SLC26A7: variants seen among roughly 807,000 people sequenced by gnomAD.
The protein encoded by SLC26A7 is anion exchange transporter.
A neutral mutation model predicts 82.5 loss-of-function variants in SLC26A7; 59 were observed. That is an observed-to-expected ratio of 0.72 (90% confidence interval 0.58 to 0.89). SLC26A7 has a LOEUF of 0.89. SLC26A7 is among the 40% of genes least tolerant of loss of function. The probability of loss-of-function intolerance (pLI) is 0.00; values close to 1 mark genes in which losing one functional copy is unlikely to be tolerated. For missense variants in SLC26A7, 820 were observed against 793.0 expected, an observed-to-expected ratio of 1.03 and a Z score of -0.41; for synonymous variants, 271 against 274.3, an observed-to-expected ratio of 0.99 and a Z score of 0.12.
intron 16 of SLC26A7, among the ~76,000 whole-genome samples, chr8:91,393,483 A>C (rs771849392): frequency 1.3e-5 from 2 of 152,144 alleles, no homozygotes; most frequent in Non-Finnish European, 2.9e-5. Context: ...CTTGTCTTCT[A>C]TTAAAAGAGG....
intron 2 of SLC26A7, among the ~76,000 whole-genome samples, chr8:91,231,043 T>C (rs148191272): frequency 6.6e-6 from 1 of 152,162 alleles, no homozygotes; most frequent in South Asian, 2.1e-4. Context: ...TTCCATCTTA[T>C]CTGGGTTTTA....
At chr8:91,344,082 G>T in intron 9 of SLC26A7, 1 of 985,342 alleles carries the variant, frequency 1.0e-6, no homozygotes, top group African/African-American at 1.7e-5. Context: ...TGATGATGGT[G>T]GTAGTGGTGG....
intron 16 of SLC26A7, 117 bp downstream of exon 16, chr8:91,389,555 T>A: frequency 6.6e-6 from 5 of 757,224 alleles, no homozygotes; most frequent in Non-Finnish European, 1.1e-5. Flanking sequence ...TCTCACCCCA[T>A]TATTTACAAA....
chr8:91,295,163 G>A (rs922387007), intron 3 of SLC26A7, among the ~76,000 whole-genome samples: 18 of 152,196 alleles, frequency 1.2e-4, no homozygotes, highest in Non-Finnish European at 2.1e-4. Context: ...TATATCCAGT[G>A]TAATGTGCTT....
chr8:91,288,186 C>A (rs1168190949), intron 2 of SLC26A7, among the ~76,000 whole-genome samples: 3 of 152,134 alleles, frequency 2.0e-5, no homozygotes, highest in Non-Finnish European at 4.4e-5. Context: ...GACAGCCAGG[C>A]TTTATAGTGT....
chr8:91,354,922 A>G (rs1490139935), intron 11 of SLC26A7, among the ~76,000 whole-genome samples: 3 of 151,858 alleles, frequency 2.0e-5, no homozygotes, highest in Non-Finnish European at 4.4e-5. Flanking sequence ...TAAAAAAAGG[A>G]TTCTCATACT....
intron 2 of SLC26A7, among the ~76,000 whole-genome samples, chr8:91,255,953 C>A (rs1397908277): frequency 6.6e-6 from 1 of 152,072 alleles, no homozygotes; most frequent in African/African-American, 2.4e-5. Context: ...ATGAACCATC[C>A]CTGCTCTTTT....
chr8:91,264,170 T>C (rs1315901917), intron 2 of SLC26A7, among the ~76,000 whole-genome samples: 2 of 152,186 alleles, frequency 1.3e-5, no homozygotes, highest in East Asian at 1.9e-4. Context: ...AAATAACATA[T>C]AGGAATCCAC....
intron 2 of SLC26A7, among the ~76,000 whole-genome samples, chr8:91,235,596 T>C (rs1810383762): frequency 6.6e-6 from 1 of 152,138 alleles, no homozygotes. Flanking sequence ...CACAGAAATA[T>C]TTGGTAATTG....
At chr8:91,382,520 AC>A (rs1461006061) in intron 15 of SLC26A7, among the ~76,000 whole-genome samples, 7 of 152,142 alleles carry the variant, frequency 4.6e-5, no homozygotes, top group Admixed American at 2.6e-4. Context: ...GAAGGTACAC[AC>A]TTCTTTTCAA....
At chr8:91,245,416 C>G (rs1810531771), upstream of SLC26A7, among the ~76,000 whole-genome samples, 1 of 152,122 alleles carries the variant, frequency 6.6e-6, no homozygotes, top group Admixed American at 6.6e-5. Flanking sequence ...CTTTGGTAGA[C>G]TTGATACAAA....
In SLC26A7 at chr8:91,318,365, A is replaced by C; in HGVS notation, c.627A>C (p.Pro209=). Residue 209 remains proline (P), a synonymous_variant, in exon 5 of 19, where the codon CCA becomes CCC. Transcript: ENST00000276609. The part of the protein sequence containing the change: ...LGMKMPYISG[P]LGFFYIYAYV... ...TGAAAATGCCATATATATCCGGACC[A>C]CTTGGATTCTTTTATGTGAGTTTTT... The C allele has an allele frequency of 6.2e-7, 1 of 1,604,348 alleles. No homozygotes were observed. Among genetic ancestry groups the C allele is most frequent in the East Asian group, 2.3e-5 (1 of 44,254 alleles).
intron 2 of SLC26A7, among the ~76,000 whole-genome samples, chr8:91,220,074 C>T (rs1377625989): frequency 6.6e-6 from 1 of 152,118 alleles, no homozygotes; most frequent in Non-Finnish European, 1.5e-5. Flanking sequence ...AGAGTTGCCT[C>T]TGGCATAACT....
chr8:91,358,702 C>T (rs1218749485), intron 11 of SLC26A7, among the ~76,000 whole-genome samples: 3 of 152,114 alleles, frequency 2.0e-5, no homozygotes, highest in Non-Finnish European at 4.4e-5. Context: ...CCAACATAGA[C>T]TGGATTAAGA....
upstream of SLC26A7, among the ~76,000 whole-genome samples, chr8:91,247,432 T>C (rs1469617031): frequency 1.3e-5 from 2 of 152,142 alleles, no homozygotes; most frequent in African/African-American, 4.8e-5. Context: ...TTTTTCTTTC[T>C]TTCTGGCATT....
intron 2 of SLC26A7, among the ~76,000 whole-genome samples, chr8:91,230,050 A>G (rs1464253731): frequency 1.3e-5 from 2 of 152,324 alleles, no homozygotes; most frequent in Admixed American, 6.5e-5. Context: ...AAAAGGAATC[A>G]TACAATATGT....
At chr8:91,280,825 T>G (rs1178788856) in intron 2 of SLC26A7, among the ~76,000 whole-genome samples, 1 of 152,228 alleles carries the variant, frequency 6.6e-6, no homozygotes, top group Non-Finnish European at 1.5e-5. Context: ...AAGTGTTCTG[T>G]GCTCAAGCCT....
chr8:91,377,656 C>T lies in SLC26A7; in HGVS notation c.1675+7823C>T, dbSNP rs576062204. On this transcript the variant is annotated intron_variant, in intron 15 of 18. Coordinates refer to ENST00000276609, the MANE Select transcript of SLC26A7 (RefSeq NM_052832.4). ...CCCTGAGAAGTTCTCAAGTTGCCAC[C>T]AACAGCATTGCACAGTCACAAGAGC... Among the ~76,000 whole-genome samples the T allele has an allele frequency of 7.2e-5, 11 of 152,260 alleles. No homozygotes were observed. The South Asian group carries it at 2.3e-3, about 32-fold the overall frequency.
intron 4 of SLC26A7, among the ~76,000 whole-genome samples, chr8:91,314,156 T>C (rs1232834133): frequency 2.6e-5 from 4 of 152,096 alleles, no homozygotes. Flanking sequence ...ATTTTGGGAG[T>C]TGGCTAGCTA....
Sources: gnomAD v4.1 joint callset for allele counts (sites outside exome capture counted in the v4.1 genomes callset) on GRCh38, gnomAD v4.1.1 for gene constraint, MANE v1.5 for transcripts, NCBI Gene and HGNC (gene_info 2026-07-23, HGNC 2026-07-21) for gene names.